GUCY1A2: variants seen among roughly 807,000 people sequenced by gnomAD.
GUCY1A2 encodes the protein guanylate cyclase soluble subunit alpha-2.
GUCY1A2 carries 27 observed loss-of-function variants against 63.5 expected under a neutral mutation model. The ratio of observed to expected loss-of-function variants is 0.43; its 90% CI spans 0.31 to 0.59. GUCY1A2 has a LOEUF of 0.59. GUCY1A2 is among the 20% of genes least tolerant of loss of function. The pLI is 0.11. For missense variants in GUCY1A2, 768 were observed against 913.3 expected (o/e 0.84, Z 2.05); for synonymous variants, 364 against 343.5 (o/e 1.06, Z -0.66).
chr11:106,875,367 T>C (rs1859735584), intron 4 of GUCY1A2, among the ~76,000 whole-genome samples: 1 of 152,118 alleles, frequency 6.6e-6, no homozygotes. Flanking sequence ...GAGTGGAGTC[T>C]TGACAGAAAC....
intron 4 of GUCY1A2, among the ~76,000 whole-genome samples, chr11:106,886,407 T>C (rs531345642): frequency 1.3e-5 from 2 of 152,238 alleles, no homozygotes; most frequent in South Asian, 4.1e-4. Flanking sequence ...ATAACAACTC[T>C]AGACTGCCTA....
At chr11:106,781,983 G>A (rs565178296) in intron 5 of GUCY1A2, among the ~76,000 whole-genome samples, 2 of 152,246 alleles carry the variant, frequency 1.3e-5, no homozygotes, top group East Asian at 3.9e-4. Context: ...TAATACTTAA[G>A]AAATATCTGG....
chr11:106,826,362 C>G, intron 4 of GUCY1A2: 1 of 1,492,440 alleles, frequency 6.7e-7, no homozygotes, highest in Non-Finnish European at 9.1e-7. Context: ...TCATTTGGAA[C>G]TTTATATGAT....
chr11:106,794,530 G>GT (rs1864720199), intron 5 of GUCY1A2, among the ~76,000 whole-genome samples: 1 of 151,538 alleles, frequency 6.6e-6, no homozygotes, highest in Non-Finnish European at 1.5e-5. Context: ...AAACACAAAG[G>GT]TAATTATGTC....
At chr11:106,911,640 C>T (rs931314565) in intron 4 of GUCY1A2, among the ~76,000 whole-genome samples, 1 of 152,022 alleles carries the variant, frequency 6.6e-6, no homozygotes, top group Admixed American at 6.6e-5. Context: ...CAAAATGATA[C>T]TAAGTTGTAT....
chr11:106,820,366 G>A (rs1858885420), intron 4 of GUCY1A2, among the ~76,000 whole-genome samples: 1 of 152,050 alleles, frequency 6.6e-6, no homozygotes, highest in African/African-American at 2.4e-5. Flanking sequence ...CTTGATTAGT[G>A]AGCAGCCAGT....
chr11:106,931,907 C>T (rs1214879699), intron 4 of GUCY1A2, among the ~76,000 whole-genome samples: 2 of 151,978 alleles, frequency 1.3e-5, no homozygotes, highest in Non-Finnish European at 1.5e-5. Context: ...GTCGTAGATG[C>T]ACTATTATAT....
chr11:106,806,470 T>TA (rs1242774770), intron 5 of GUCY1A2, among the ~76,000 whole-genome samples: 1 of 152,186 alleles, frequency 6.6e-6, no homozygotes, highest in Non-Finnish European at 1.5e-5. Flanking sequence ...AAGACAAATG[T>TA]AAAACAAAGC....
chr11:106,944,539 G>A (rs1257223918), intron 3 of GUCY1A2, among the ~76,000 whole-genome samples: 1 of 151,916 alleles, frequency 6.6e-6, no homozygotes, highest in African/African-American at 2.4e-5. Flanking sequence ...ATAACTGAAC[G>A]GTACCAGGTT....
At chr11:107,000,734 C>T (rs1565355993) in intron 1 of GUCY1A2, among the ~76,000 whole-genome samples, 3 of 152,102 alleles carry the variant, frequency 2.0e-5, no homozygotes, top group Admixed American at 2.0e-4. Context: ...TGTGTAAATA[C>T]TATGATAAAA....
chr11:106,903,364 A>G (rs921845113), intron 4 of GUCY1A2, among the ~76,000 whole-genome samples: 9 of 152,280 alleles, frequency 5.9e-5, no homozygotes, highest in African/African-American at 2.2e-4. Flanking sequence ...TTACTGAACT[A>G]TCTCTAGAGA....
At chr11:106,939,309 C>A in intron 4 of GUCY1A2, 151 bp downstream of exon 4, 1 of 568,998 alleles carries the variant, frequency 1.8e-6, no homozygotes, top group Non-Finnish European at 3.1e-6. Context: ...GAGGCCAAAT[C>A]TTTTTACATA....
chr11:106,717,266 A>G (rs1403784326), intron 6 of GUCY1A2, among the ~76,000 whole-genome samples: 4 of 152,210 alleles, frequency 2.6e-5, no homozygotes, highest in African/African-American at 7.2e-5. Flanking sequence ...CCTTCTTGGC[A>G]TGATTAATAC....
At position 106,680,580 on chromosome 11, in the gene GUCY1A2, C is replaced by CA; in HGVS notation, c.*6968dup. 1 of 196,210 alleles carries CA rather than the reference C, an allele frequency of 5.1e-6. No homozygotes were observed. 12.2% of individuals were successfully genotyped at this position (196,210 alleles called of 1,614,324 possible). On this transcript the variant is annotated 3_prime_UTR_variant, in exon 8 of 8. Transcript: ENST00000526355. Reference sequence around the variant, plus strand: ...TAACTTCAGTGTAATTTAATAGATTCAAATTAAATATTTTCCATTATTTAT... The same window carrying CA: ...TAACTTCAGTGTAATTTAATAGATTCAAAATTAAATATTTTCCATTATTTAT...
chr11:106,888,686 C>A (rs569560097), intron 4 of GUCY1A2, among the ~76,000 whole-genome samples: 3 of 152,246 alleles, frequency 2.0e-5, no homozygotes, highest in Admixed American at 2.0e-4. Context: ...TTTCTGGTTG[C>A]TGAATAACAA....
intron 6 of GUCY1A2, among the ~76,000 whole-genome samples, chr11:106,766,770 T>C (rs1373566806): frequency 6.6e-6 from 1 of 152,042 alleles, no homozygotes; most frequent in African/African-American, 2.4e-5. Flanking sequence ...AGGCTACTCA[T>C]GTTGGCCTAT....
chr11:106,737,984 A>G (rs1863620955), intron 6 of GUCY1A2, among the ~76,000 whole-genome samples: 1 of 152,198 alleles, frequency 6.6e-6, no homozygotes, highest in South Asian at 2.1e-4. Context: ...GTCTTCCACA[A>G]TGGGTGAACT....
chr11:106,732,529 T>TAAAG (rs1309938924), intron 6 of GUCY1A2, among the ~76,000 whole-genome samples: 5 of 152,158 alleles, frequency 3.3e-5, no homozygotes, highest in Admixed American at 3.3e-4. Flanking sequence ...ATTTAAATGT[T>TAAAG]AAAGATTATT....
chr11:106,902,116 T>C (rs1268046409), intron 4 of GUCY1A2, among the ~76,000 whole-genome samples: 2 of 152,210 alleles, frequency 1.3e-5, no homozygotes, highest in Non-Finnish European at 2.9e-5. Flanking sequence ...TGATGTTATG[T>C]TAGCAGGCAT....
Sources: gnomAD v4.1 joint callset for allele counts (sites outside exome capture counted in the v4.1 genomes callset) on GRCh38, gnomAD v4.1.1 for gene constraint, MANE v1.5 for transcripts, NCBI Gene and HGNC (gene_info 2026-07-23, HGNC 2026-07-21) for gene names.